The following EXD3 variants were observed in gnomAD, a reference collection of about 807,000 sequenced individuals.
EXD3 encodes exonuclease mut-7 homolog.
EXD3 carries 92 observed loss-of-function variants against 98.0 expected under a neutral mutation model. That is an observed-to-expected ratio of 0.94 (90% CI 0.79 to 1.12). The LOEUF (loss-of-function observed/expected upper bound fraction) is 1.12. Ranked by LOEUF, EXD3 falls within the 50% of genes most tolerant of loss-of-function variation. The pLI, the probability that EXD3 is intolerant of heterozygous loss-of-function variation, is 0.00. For synonymous variants in EXD3, 569 were observed against 526.0 expected, an observed-to-expected ratio of 1.08 and a Z score of -1.12; for missense variants, 1,222 against 1,191.6, an observed-to-expected ratio of 1.03 and a Z score of -0.38.
At chr9:137,375,218 A>G (rs1463979877) in intron 3 of EXD3, among the ~76,000 whole-genome samples, 1 of 152,196 alleles carries the variant, frequency 6.6e-6, no homozygotes, top group South Asian at 2.1e-4. Context: ...CGTGTTAGCC[A>G]GGATGGTCTC....
At chr9:137,374,384 C>T (rs569365072) in intron 3 of EXD3, among the ~76,000 whole-genome samples, 3 of 152,374 alleles carry the variant, frequency 2.0e-5, no homozygotes, top group Admixed American at 6.5e-5. Flanking sequence ...GGGATGCGCC[C>T]CCAGAGGCCC....
intron 1 of EXD3, among the ~76,000 whole-genome samples, chr9:137,420,624 CCT>C (rs1838466525): frequency 1.3e-5 from 2 of 152,056 alleles, no homozygotes; most frequent in African/African-American, 4.8e-5. Flanking sequence ...GGACTGGTGC[CCT>C]GTTTACATAG....
chr9:137,351,242 A>T (rs1298948133), intron 13 of EXD3, 76 bp downstream of exon 13: 1 of 1,540,540 alleles, frequency 6.5e-7, no homozygotes, highest in Admixed American at 2.0e-5. Flanking sequence ...CCCGGGGCAC[A>T]CGGAGGGAAG....
At chr9:137,357,467 A>C (rs894261179) in intron 7 of EXD3, among the ~76,000 whole-genome samples, 1 of 151,986 alleles carries the variant, frequency 6.6e-6, no homozygotes, top group African/African-American at 2.4e-5. Flanking sequence ...GCTTTTTGGA[A>C]GACAACTTCA....
chr9:137,344,424 T>A (rs1330432563), intron 17 of EXD3, among the ~76,000 whole-genome samples: 21 of 152,164 alleles, frequency 1.4e-4, no homozygotes, highest in Non-Finnish European at 2.8e-4. Flanking sequence ...TTGCAGTGGC[T>A]GACGAGACAT....
chr9:137,337,097 G>T (rs1833391580), intron 17 of EXD3, among the ~76,000 whole-genome samples: 1 of 152,044 alleles, frequency 6.6e-6, no homozygotes. Context: ...ATGGAGAAAT[G>T]GTATTAATGT....
intron 1 of EXD3, among the ~76,000 whole-genome samples, chr9:137,414,715 TAA>T (rs1838156613): frequency 1.3e-5 from 2 of 152,148 alleles, no homozygotes; most frequent in Admixed American, 6.5e-5. Flanking sequence ...ACACAAAAAG[TAA>T]CTTTCCAGGG....
In EXD3 at chr9:137,307,221, C is replaced by T. The variant is rs1474837799; in HGVS notation, c.2360G>A (p.Arg787His). ...DAAPEGCTYD[R>H]PCRWLQMADL... ...AGCCATCTGCAGCCAGCGGCAGGGGCGGTCATAGGTGCAGCCCTCAGGGGC... is the reference window on the plus strand; with the variant it reads ...AGCCATCTGCAGCCAGCGGCAGGGGTGGTCATAGGTGCAGCCCTCAGGGGC... Residue 787 changes from arginine (R) to histidine (H), a missense_variant, in exon 22 of 22, where the codon CGC becomes CAC. Arg to His is a conservative substitution (Grantham distance 29). Transcript: ENST00000340951. 10 of 1,572,182 alleles carry T rather than the reference C, an allele frequency of 6.4e-6. No individual in the cohort carries two copies. The highest frequency in any genetic ancestry group is 2.7e-5 in the African/African-American group (2 of 73,960).
At chr9:137,358,795 C>T (rs541377622) in intron 7 of EXD3, among the ~76,000 whole-genome samples, 4 of 150,866 alleles carry the variant, frequency 2.7e-5, no homozygotes, top group Non-Finnish European at 5.9e-5. Flanking sequence ...CTCAAGTGAC[C>T]CTCCCACCTC....
intron 7 of EXD3, chr9:137,366,088 G>T (rs1475342796): frequency 1.5e-6 from 1 of 689,358 alleles, no homozygotes; most frequent in South Asian, 1.5e-5. Context: ...CACCATATGG[G>T]CTCCTTGTCA....
intron 3 of EXD3, among the ~76,000 whole-genome samples, chr9:137,383,080 G>A (rs1397582161): frequency 1.3e-5 from 2 of 152,218 alleles, no homozygotes; most frequent in Non-Finnish European, 2.9e-5. Flanking sequence ...ACCTCAGAGG[G>A]GCTGCTGGGG....
chr9:137,377,574 G>A (rs1835975722), intron 3 of EXD3, among the ~76,000 whole-genome samples: 1 of 151,232 alleles, frequency 6.6e-6, no homozygotes, highest in African/African-American at 2.4e-5. Flanking sequence ...AGAAGTTTAA[G>A]ACCAGACGTG....
chr9:137,355,541 A>C (rs923561591), intron 8 of EXD3, among the ~76,000 whole-genome samples: 12 of 52,598 alleles, frequency 2.3e-4, no homozygotes, highest in South Asian at 1.7e-3. Flanking sequence ...GGAAGGAGGA[A>C]GGAGGAAGGA....
At chr9:137,312,151 G>T (rs1327044146) in intron 19 of EXD3, among the ~76,000 whole-genome samples, 1 of 152,192 alleles carries the variant, frequency 6.6e-6, no homozygotes, top group Admixed American at 6.5e-5. Context: ...AGACAAGTGG[G>T]GCCTGACGGG....
At chr9:137,357,480 T>C (rs2119265612) in intron 7 of EXD3, among the ~76,000 whole-genome samples, 1 of 152,222 alleles carries the variant, frequency 6.6e-6, no homozygotes, top group African/African-American at 2.4e-5. Context: ...CAACTTCAAA[T>C]TATTTCCAAA....
chr9:137,390,364 G>A (rs756660329), intron 2 of EXD3, among the ~76,000 whole-genome samples: 20 of 151,116 alleles, frequency 1.3e-4, no homozygotes, highest in Non-Finnish European at 2.2e-4. Context: ...CCCGGGAGGC[G>A]GAGGTTGTGG....
At position 137,354,522 on chromosome 9, in the gene EXD3, C is replaced by T. The variant is rs1282951887; in HGVS notation, c.832-145G>A. On this transcript the variant is annotated intron_variant, in intron 9 of 21. Transcript: ENST00000340951. ...CCGCCCTGGTGCCACAGCCCAGAGC[C>T]AGGGCCCCATGGCCTCCCCTTCACC... The T allele has an allele frequency of 5.4e-5, 83 of 1,538,782 alleles. No individual in the cohort carries two copies. In the East Asian group the frequency reaches 6.8e-4, roughly 13 times the overall value.
chr9:137,324,781 C>G lies in EXD3; in HGVS notation c.1999-638G>C, dbSNP rs566538517. Among the ~76,000 whole-genome samples, 5 of 152,314 alleles carry G rather than the reference C, an allele frequency of 3.3e-5. No homozygotes were observed. Among genetic ancestry groups the G allele is most frequent in the Admixed American group, 1.3e-4 (2 of 15,298 alleles). On this transcript the variant is annotated intron_variant, in intron 17 of 21. Transcript: ENST00000340951. This position sits in a 1 kb window ranked among gnomAD's most constrained non-coding sequence, Gnocchi z 4.1. ...TGTCTTGGCTCACTGCAAGCTCCGC[C>G]TCCTGGGTTCATGCCATTCTCCTGC...
At chr9:137,367,306 A>G (rs796116149) in intron 6 of EXD3, among the ~76,000 whole-genome samples, 5 of 152,122 alleles carry the variant, frequency 3.3e-5, no homozygotes, top group African/African-American at 1.2e-4. Context: ...GTCTGCACCC[A>G]TCGCCCGGAG....
Sources: gnomAD v4.1 joint callset for allele counts (sites outside exome capture counted in the v4.1 genomes callset) on GRCh38, gnomAD v4.1.1 for gene constraint, Gnocchi (gnomAD v3.1) non-coding constraint, MANE v1.5 for transcripts, NCBI Gene and HGNC (gene_info 2026-07-23, HGNC 2026-07-21) for gene names.